Variants in RBKS observed in about 807,000 individuals in gnomAD.
The protein encoded by RBKS is ribokinase.
Under a neutral mutation model 33.9 loss-of-function variants are expected in RBKS, and 33 were observed. The observed-to-expected ratio is 0.97, with a 90% CI of 0.74 to 1.30. The LOEUF is 1.30. RBKS is among the 50% of genes most tolerant of loss of function. RBKS has a pLI of 0.00. For missense variants in RBKS, 361 were observed against 392.6 expected (o/e 0.92, Z 0.68); for synonymous variants, 125 against 143.0 (o/e 0.87, Z 0.90).
intron 1 of RBKS, among the ~76,000 whole-genome samples, chr2:27,867,955 A>G (rs1183325397): frequency 6.6e-6 from 1 of 152,242 alleles, no homozygotes; most frequent in African/African-American, 2.4e-5. Context: ...TTTTAAATTC[A>G]CTGAAGACAA....
At chr2:27,882,562 CA>C (rs1664439822) in intron 1 of RBKS, among the ~76,000 whole-genome samples, 1 of 152,194 alleles carries the variant, frequency 6.6e-6, no homozygotes, top group Admixed American at 6.5e-5. Flanking sequence ...TTTGACCCAG[CA>C]ATCCCATTAC....
intron 2 of RBKS, among the ~76,000 whole-genome samples, chr2:27,855,058 C>G (rs959855789): frequency 6.6e-6 from 1 of 152,030 alleles, no homozygotes. Flanking sequence ...CCCCGCCCCC[C>G]CACCACACAA....
intron 7 of RBKS, among the ~76,000 whole-genome samples, chr2:27,789,657 T>A (rs923269704): frequency 4.6e-5 from 7 of 151,862 alleles, no homozygotes; most frequent in Admixed American, 3.9e-4. Context: ...TTCCGCCTCC[T>A]AGGTTCAAGC....
rs1677645696 is a variant in RBKS at position 27,795,273 on chromosome 2, A to C, written c.796-13485T>G. 6.6e-6 allele frequency among the ~76,000 whole-genome samples: 1 copy of C among 152,142 alleles called. No individual in the cohort carries two copies. On this transcript the variant is annotated intron_variant, in intron 7 of 7. Transcript: ENST00000302188. The surrounding 1 kb of genome is among the most constrained non-coding windows in gnomAD (Gnocchi z 4.1). ...ATGCAGGGGTTCTGTGTTTTTCTGC[A>C]CAAAGAGGGCAGCAGTTGGACTACT... is the stretch of plus-strand genomic sequence containing the variant.
At position 27,889,790 on chromosome 2, in the gene RBKS, A is replaced by G. The variant is rs1664672436; in HGVS notation, c.89+467T>C. ...TCTGCTCAACTCATTATTTTATACA[A>G]TAAGCTCAGACGAATAATACCCAAT... On this transcript the variant is annotated intron_variant, in intron 1 of 7. Coordinates refer to ENST00000302188, the MANE Select transcript of RBKS (RefSeq NM_022128.3). 2.6e-5 allele frequency among the ~76,000 whole-genome samples: 4 copies of G among 152,304 alleles called. No individual in the cohort carries two copies. In the South Asian group the frequency reaches 8.3e-4, roughly 32 times the overall value.
chr2:27,807,136 A>T (rs1458861373), intron 7 of RBKS, among the ~76,000 whole-genome samples: 1 of 152,228 alleles, frequency 6.6e-6, no homozygotes, highest in East Asian at 1.9e-4. Flanking sequence ...TGTGGTCTGA[A>T]TGTGAAGCTT....
chr2:27,847,933 A>AG, intron 3 of RBKS, 101 bp downstream of exon 3: 1 of 690,624 alleles, frequency 1.4e-6, no homozygotes, highest in Non-Finnish European at 2.6e-6. Context: ...TCTGGCCACC[A>AG]GGGGAAGGTC....
Position 27,797,883 on chromosome 2 carries a change from C to T in RBKS, c.796-16095G>A, listed in dbSNP as rs182747580. The stretch of plus-strand genomic sequence containing the variant: ...TACAGGGAACTAAGACAACTGGGAA[C>T]GGCGTAGAAGAGTTGAAAGCCAGGG... On this transcript the variant is annotated intron_variant, in intron 7 of 7. Coordinates refer to ENST00000302188, the MANE Select transcript of RBKS (RefSeq NM_022128.3). Among the ~76,000 whole-genome samples, 1,377 of 152,176 alleles carry T rather than the reference C, an allele frequency of 9.0e-3. 7 individuals carry two copies. The highest frequency in any genetic ancestry group is 0.015 in the South Asian group (70 of 4,820).
At chr2:27,804,420 C>T (rs759049884) in intron 7 of RBKS, among the ~76,000 whole-genome samples, 1 of 152,194 alleles carries the variant, frequency 6.6e-6, no homozygotes, top group Non-Finnish European at 1.5e-5. Context: ...TCTGCTTTGT[C>T]TCTAGAGATT....
intron 1 of RBKS, chr2:27,870,575 T>C (rs760658520): frequency 8.4e-6 from 3 of 357,398 alleles, no homozygotes; most frequent in Non-Finnish European, 1.7e-5. Flanking sequence ...GTTAAGGGCA[T>C]GTACTTTAAC....
At chr2:27,822,550 C>T (rs951586821) in intron 7 of RBKS, among the ~76,000 whole-genome samples, 1 of 152,162 alleles carries the variant, frequency 6.6e-6, no homozygotes, top group Non-Finnish European at 1.5e-5. Flanking sequence ...ACCTGCCAGC[C>T]CCAGCAATCA....
At position 27,834,471 on chromosome 2, in the gene RBKS, A is replaced by G. The variant is rs1678477939; in HGVS notation, c.515-1694T>C. ...AATGTAAAGGATTATTACTGTTATT[A>G]TATTGTCCTTTACAGATAGCCCAAC... is the stretch of plus-strand genomic sequence containing the variant. On this transcript the variant is annotated intron_variant, in intron 5 of 7. Coordinates refer to ENST00000302188, the MANE Select transcript of RBKS (RefSeq NM_022128.3). Among the ~76,000 whole-genome samples, 3 of 152,114 alleles carry G rather than the reference A, an allele frequency of 2.0e-5. No individual in the cohort carries two copies. In the South Asian group the frequency reaches 6.2e-4, roughly 31 times the overall value.
rs79702759 is a variant in RBKS, at chr2:27,795,088, T to A, written c.796-13300A>T. 8.3e-3 allele frequency among the ~76,000 whole-genome samples: 1,258 copies of A among 152,312 alleles called. 14 individuals carry two copies. Among genetic ancestry groups the A allele is most frequent in the African/African-American group, 0.029 (1,187 of 41,566 alleles). ...AGAACCATGACAGAGGCAATCTCCA[T>A]GTGTTAAACTCTTACGAGAGGTCGG... On this transcript the variant is annotated intron_variant, in intron 7 of 7. Coordinates refer to ENST00000302188, the MANE Select transcript of RBKS (RefSeq NM_022128.3). This position sits in a 1 kb window ranked among gnomAD's most constrained non-coding sequence, Gnocchi z 4.1.
At chr2:27,786,133 A>G (rs1677395767) in intron 7 of RBKS, among the ~76,000 whole-genome samples, 1 of 152,248 alleles carries the variant, frequency 6.6e-6, no homozygotes, top group South Asian at 2.1e-4. Flanking sequence ...ACCTATCTAT[A>G]TGAGCATATG....
chr2:27,818,893 A>G (rs773059199), intron 7 of RBKS, among the ~76,000 whole-genome samples: 20 of 152,240 alleles, frequency 1.3e-4, no homozygotes, highest in Non-Finnish European at 2.5e-4. Context: ...AATCAGGGTT[A>G]GAACTCAGGC....
intron 4 of RBKS, among the ~76,000 whole-genome samples, chr2:27,844,769 A>C (rs776346661): frequency 1.5e-4 from 23 of 152,178 alleles, no homozygotes; most frequent in Non-Finnish European, 2.2e-4. Flanking sequence ...GGCCTAAGTT[A>C]AATTTACCTG....
chr2:27,890,380 A>G lies in RBKS; in HGVS notation c.-35T>C, dbSNP rs1211603708. Reference sequence around the variant, plus strand: ...GTGCTGCTGTCCAACCTGGACGGTGACCTCTGCCCTTTGCCCGACCCCGTA... The same window carrying G: ...GTGCTGCTGTCCAACCTGGACGGTGGCCTCTGCCCTTTGCCCGACCCCGTA... On this transcript the variant is annotated 5_prime_UTR_variant, in exon 1 of 8. Transcript: ENST00000302188. The surrounding 1 kb of genome is among the most constrained non-coding windows in gnomAD (Gnocchi z 4.8). 6.3e-7 allele frequency: 1 copy of G among 1,593,696 alleles called. No individual in the cohort carries two copies. Among genetic ancestry groups the G allele is most frequent in the Non-Finnish European group, 8.5e-7 (1 of 1,169,960 alleles).
intron 7 of RBKS, chr2:27,782,633 A>T (rs1419029316): frequency 2.1e-6 from 1 of 466,888 alleles, no homozygotes; most frequent in Non-Finnish European, 4.5e-6. Flanking sequence ...ACATCATATT[A>T]AGGGCACATA....
At chr2:27,865,017 T>C (rs1664062891) in intron 1 of RBKS, among the ~76,000 whole-genome samples, 1 of 152,210 alleles carries the variant, frequency 6.6e-6, no homozygotes. Flanking sequence ...CCAAGGCTTG[T>C]TTGCCATTCA....
Sources: gnomAD v4.1 joint callset for allele counts (sites outside exome capture counted in the v4.1 genomes callset) on GRCh38, gnomAD v4.1.1 for gene constraint, Gnocchi (gnomAD v3.1) non-coding constraint, MANE v1.5 for transcripts, NCBI Gene and HGNC (gene_info 2026-07-23, HGNC 2026-07-21) for gene names.